Variants in PHF3 observed in about 807,000 individuals in gnomAD.
PHF3 encodes the protein PHD finger protein 3.
In PHF3, 41 loss-of-function variants were observed where a neutral mutation model predicts 178.4. The ratio of observed to expected loss-of-function variants is 0.23; its 90% CI spans 0.18 to 0.30. The LOEUF is 0.30. PHF3 is among the 10% of genes least tolerant of loss of function. PHF3 has a pLI of 1.00. For missense variants in PHF3, 2,346 were observed against 2,398.1 expected, an observed-to-expected ratio of 0.98 and a Z score of 0.45; for synonymous variants, 842 against 800.5, an observed-to-expected ratio of 1.05 and a Z score of -0.88.
chr6:63,666,844 C>T (rs141506810), intron 2 of PHF3, among the ~76,000 whole-genome samples: 1,772 of 151,726 alleles, frequency 0.012, 29 homozygotes, highest in African/African-American at 0.041. Flanking sequence ...GTCTGCCTCC[C>T]GGGTTCAAGC....
chr6:63,673,065 T>G (rs910599225), intron 2 of PHF3, among the ~76,000 whole-genome samples: 1 of 152,102 alleles, frequency 6.6e-6, no homozygotes, highest in African/African-American at 2.4e-5. Context: ...TTATTTCTCC[T>G]CAAGTTTTTC....
Position 63,719,673 on chromosome 6 carries a change from T to G in PHF3, c.*5965T>G, listed in dbSNP as rs1225196625. On this transcript the variant is annotated 3_prime_UTR_variant, in exon 16 of 16. Transcript: ENST00000262043. ...TACTAAATTGTTAGGATAGTAATTT[T>G]CCATGGCATTGTTTAGAACCTATTT... Among the ~76,000 whole-genome samples the G allele has an allele frequency of 6.6e-6, 1 of 152,114 alleles. No individual in the cohort carries two copies. Among genetic ancestry groups the G allele is most frequent in the Non-Finnish European group, 1.5e-5 (1 of 67,972 alleles).
intron 2 of PHF3, among the ~76,000 whole-genome samples, chr6:63,664,142 CTG>C (rs1318207100): frequency 6.6e-6 from 1 of 152,186 alleles, no homozygotes; most frequent in Non-Finnish European, 1.5e-5. Flanking sequence ...ATAGTTCAGT[CTG>C]TGAGGAATCT....
chr6:63,681,453 C>T (rs1239640541), intron 3 of PHF3, among the ~76,000 whole-genome samples: 1 of 152,058 alleles, frequency 6.6e-6, no homozygotes, highest in Admixed American at 6.6e-5. Context: ...TGTTACATAA[C>T]AGGGACTGGT....
Position 63,722,536 on chromosome 6 carries a change from AAAGT to A in PHF3, c.*8831_*8834del, listed in dbSNP as rs1368699259. ...AAGTTGCAATGAGGCATTCAGAAGAAAAGTAAAGGCAATTCTGCAAGCTTGGAAA... is the reference window on the plus strand; with the variant it reads ...AAGTTGCAATGAGGCATTCAGAAGAAAAAGGCAATTCTGCAAGCTTGGAAA... On this transcript the variant is annotated 3_prime_UTR_variant, in exon 16 of 16. Coordinates refer to ENST00000262043, the MANE Select transcript of PHF3 (RefSeq NM_001370348.2). 1.3e-5 allele frequency among the ~76,000 whole-genome samples: 2 copies of A among 152,212 alleles called. No homozygotes were observed. Among genetic ancestry groups the A allele is most frequent in the African/African-American group, 4.8e-5 (2 of 41,460 alleles).
At chr6:63,678,518 T>A (rs181681427) in intron 2 of PHF3, among the ~76,000 whole-genome samples, 1 of 152,108 alleles carries the variant, frequency 6.6e-6, no homozygotes, top group Non-Finnish European at 1.5e-5. Flanking sequence ...TATATTCTTA[T>A]CTGTTTATGG....
chr6:63,649,804 A>G (rs1764946295), intron 2 of PHF3, among the ~76,000 whole-genome samples: 1 of 152,112 alleles, frequency 6.6e-6, no homozygotes, highest in South Asian at 2.1e-4. Flanking sequence ...TGTGCCCATT[A>G]ATATATTTTT....
chr6:63,676,438 C>T (rs139168948), intron 2 of PHF3, among the ~76,000 whole-genome samples: 48 of 152,246 alleles, frequency 3.2e-4, no homozygotes, highest in Middle Eastern at 6.8e-3. Flanking sequence ...GAAGGTTTCT[C>T]TGAGAAGGTG....
intron 2 of PHF3, among the ~76,000 whole-genome samples, chr6:63,653,835 G>T (rs1478932264): frequency 2.0e-5 from 3 of 152,066 alleles, no homozygotes; most frequent in African/African-American, 7.2e-5. Flanking sequence ...AGTTTTTATT[G>T]TGAAGGGATG....
chr6:63,720,951 C>A lies in PHF3; in HGVS notation c.*7243C>A, dbSNP rs901746105. On this transcript the variant is annotated 3_prime_UTR_variant, in exon 16 of 16. Transcript: ENST00000262043. ...GTTATAGCTCATAGGCACAGAGATT[C>A]TTTCTCCCAAGTTAACTGCTATTTT... 1.3e-6 allele frequency: 2 copies of A among 1,551,212 alleles called. No individual in the cohort carries two copies. Among genetic ancestry groups the A allele is most frequent in the South Asian group, 1.2e-5 (1 of 84,062 alleles).
At chr6:63,703,861 A>G (rs1414801518) in intron 11 of PHF3, among the ~76,000 whole-genome samples, 190 bp downstream of exon 11, 3 of 152,164 alleles carry the variant, frequency 2.0e-5, no homozygotes, top group Non-Finnish European at 4.4e-5. Context: ...GGTATAGTCT[A>G]CTGTCTAGAC....
At chr6:63,708,055 C>T (rs926327648) in intron 13 of PHF3, among the ~76,000 whole-genome samples, 1 of 151,826 alleles carries the variant, frequency 6.6e-6, no homozygotes, top group African/African-American at 2.4e-5. Flanking sequence ...TTAGTAGAAA[C>T]GGGGCTTCAC....
intron 2 of PHF3, among the ~76,000 whole-genome samples, chr6:63,659,129 TATA>T (rs1244085872): frequency 6.6e-6 from 1 of 152,156 alleles, no homozygotes; most frequent in African/African-American, 2.4e-5. Flanking sequence ...CAAGTTGACG[TATA>T]AAGTGAACAA....
intron 2 of PHF3, among the ~76,000 whole-genome samples, chr6:63,672,845 G>A (rs1479392115): frequency 1.3e-5 from 2 of 152,180 alleles, no homozygotes; most frequent in Non-Finnish European, 2.9e-5. Context: ...TGTGTTCAAA[G>A]TGTGTTCACA....
chr6:63,657,769 A>T (rs895828213), intron 2 of PHF3, among the ~76,000 whole-genome samples: 1 of 152,160 alleles, frequency 6.6e-6, no homozygotes, highest in East Asian at 1.9e-4. Context: ...TATAGTCTGA[A>T]TTAATTTTCC....
rs780802120 is a variant in PHF3, at chr6:63,712,157, A to G, written c.4569A>G (p.Ile1523Met). 13 of 1,613,460 alleles carry G rather than the reference A, an allele frequency of 8.1e-6. No homozygotes were observed. Among genetic ancestry groups the G allele is most frequent in the African/African-American group, 1.3e-5 (1 of 74,890 alleles). ...TAACTGATGGTGAAAACAAGGAGAT[A>G]AAAGTTAAAGTAGATAATATTTCAG... ...VEVTDGENKE[I>M]KVKVDNISES... The change falls in exon 16 of 16, where the codon ATA (isoleucine) becomes ATG (methionine). Residue 1523 changes from isoleucine to methionine, a missense_variant. This residue lies in a region of PHF3 where 839 missense variants were observed against 806.9 expected (regional missense o/e 1.04). Coordinates refer to ENST00000262043, the MANE Select transcript of PHF3 (RefSeq NM_001370348.2).
At chr6:63,656,434 A>G (rs1213885969) in intron 2 of PHF3, among the ~76,000 whole-genome samples, 1 of 152,202 alleles carries the variant, frequency 6.6e-6, no homozygotes, top group African/African-American at 2.4e-5. Flanking sequence ...GACCAAGACT[A>G]GTACAGTTTT....
chr6:63,669,250 G>A lies in PHF3; in HGVS notation c.245-10750G>A, dbSNP rs140217452. Among the ~76,000 whole-genome samples the A allele has an allele frequency of 1.4e-3, 212 of 152,276 alleles. 4 individuals carry two copies. The East Asian group carries it at 0.038, about 27-fold the overall frequency. On this transcript the variant is annotated intron_variant, in intron 2 of 15. Coordinates refer to ENST00000262043, the MANE Select transcript of PHF3 (RefSeq NM_001370348.2). ...ATATTGATAATTCTTCCTTTTTAAA[G>A]CAGTATAGTGAACATAATTTAGCTT...
rs146134509 is a variant in PHF3 at position 63,711,951 on chromosome 6, A to C, written c.4363A>C (p.Thr1455Pro). 7.1e-5 allele frequency: 115 copies of C among 1,613,788 alleles called. No homozygotes were observed. The highest frequency in any genetic ancestry group is 8.8e-5 in the South Asian group (8 of 91,034). The change falls in exon 16 of 16, where the codon ACT becomes CCT. Residue 1455 changes from threonine (T) to proline (P), a missense_variant. Thr to Pro is a conservative substitution (Grantham distance 38). Coordinates refer to ENST00000262043, the MANE Select transcript of PHF3 (RefSeq NM_001370348.2). ...GVLIGWENQP[T>P]TLELANKPLP... ...GTTGATTGGCTGGGAGAATCAACCTACTACTCTGGAATTAGCAAATAAACC... is the reference window on the plus strand; with the variant it reads ...GTTGATTGGCTGGGAGAATCAACCTCCTACTCTGGAATTAGCAAATAAACC...
Sources: gnomAD v4.1 joint callset for allele counts (sites outside exome capture counted in the v4.1 genomes callset) on GRCh38, gnomAD v4.1.1 for gene constraint, gnomAD v4.1.1 regional missense constraint, MANE v1.5 for transcripts, NCBI Gene and HGNC (gene_info 2026-07-23, HGNC 2026-07-21) for gene names.